Variants in CADPS2 observed in about 807,000 individuals in gnomAD.
The protein encoded by CADPS2 is calcium-dependent secretion activator 2.
CADPS2 carries 93 observed loss-of-function variants against 172.5 expected under a neutral mutation model. The ratio of observed to expected loss-of-function variants is 0.54; its 90% CI spans 0.46 to 0.64. The LOEUF (loss-of-function observed/expected upper bound fraction) is 0.64, where lower values mean the gene tolerates loss of function less well. Among genes scored for constraint, CADPS2 ranks in the 30% least tolerant of loss-of-function variants. The pLI is 0.00. For missense variants in CADPS2, 1,420 were observed against 1,565.9 expected, an observed-to-expected ratio of 0.91 and a Z score of 1.57; for synonymous variants, 546 against 555.2, an observed-to-expected ratio of 0.98 and a Z score of 0.23.
At chr7:122,854,242 T>C (rs1814552890) in intron 1 of CADPS2, among the ~76,000 whole-genome samples, 2 of 152,052 alleles carry the variant, frequency 1.3e-5, no homozygotes, top group Admixed American at 1.3e-4. Context: ...CTCGTGCCTG[T>C]AGTCCCAGCT....
At chr7:122,471,200 C>A (rs887013095) in intron 14 of CADPS2, among the ~76,000 whole-genome samples, 175 bp downstream of exon 14, 1 of 151,464 alleles carries the variant, frequency 6.6e-6, no homozygotes, top group South Asian at 2.1e-4. Context: ...GTGTAGCCCA[C>A]CTAAATCAAT....
At chr7:122,796,910 AAC>A (rs1446709289) in intron 1 of CADPS2, among the ~76,000 whole-genome samples, 1 of 152,142 alleles carries the variant, frequency 6.6e-6, no homozygotes, top group African/African-American at 2.4e-5. Flanking sequence ...GCAAACTATC[AAC>A]AGAGTGAACA....
intron 1 of CADPS2, among the ~76,000 whole-genome samples, chr7:122,765,377 G>A (rs560854984): frequency 2.0e-5 from 3 of 152,118 alleles, no homozygotes; most frequent in African/African-American, 4.8e-5. Context: ...AGCTGAGGGT[G>A]GACAGCCATC....
chr7:122,325,571 C>A lies in CADPS2; in HGVS notation c.3623G>T (p.Ser1208Ile), dbSNP rs776484369. Reference sequence around the variant, plus strand: ...CACGCAAATGACTTTCATGGAACTGCTGTACCATTGCTAGAAGGGAGAATT... The same window carrying A: ...CACGCAAATGACTTTCATGGAACTGATGTACCATTGCTAGAAGGGAGAATT... ...YIEKLFDQWYSSSMKVICVWL... is the reference protein window; with the variant it reads ...YIEKLFDQWYISSMKVICVWL... Residue 1208 changes from serine (S) to isoleucine (I), a missense_variant, in exon 29 of 30, where the codon AGC becomes ATC. Transcript: ENST00000449022. 1.2e-6 allele frequency: 2 copies of A among 1,607,834 alleles called. No homozygotes were observed. Among genetic ancestry groups the A allele is most frequent in the Middle Eastern group, 1.7e-4 (1 of 6,056 alleles).
intron 25 of CADPS2, among the ~76,000 whole-genome samples, chr7:122,364,413 T>TAAA (rs916412439): frequency 0.03 from 2,303 of 77,810 alleles, 66 homozygotes; most frequent in African/African-American, 0.057. Context: ...TGTCTCAAGT[T>TAAA]AAAAAAAAAA....
intron 8 of CADPS2, among the ~76,000 whole-genome samples, chr7:122,552,571 C>T (rs1426069751): frequency 1.3e-5 from 2 of 151,986 alleles, no homozygotes. Flanking sequence ...TCTGGATTGT[C>T]TCACCTATCC....
chr7:122,451,575 G>T, intron 14 of CADPS2, 100 bp from the exon 15 acceptor site: 1 of 608,798 alleles, frequency 1.6e-6, no homozygotes, highest in Non-Finnish European at 2.7e-6. Context: ...AAAGTTCACT[G>T]TATACATATT....
At chr7:122,653,732 T>C (rs1401368776) in intron 3 of CADPS2, among the ~76,000 whole-genome samples, 8 of 152,284 alleles carry the variant, frequency 5.3e-5, no homozygotes, top group Non-Finnish European at 8.8e-5. Flanking sequence ...AACTCTTTCA[T>C]TGTTATTATA....
At chr7:122,882,732 C>G (rs774364144) in intron 1 of CADPS2, among the ~76,000 whole-genome samples, 6 of 151,314 alleles carry the variant, frequency 4.0e-5, no homozygotes, top group Non-Finnish European at 7.4e-5. Context: ...AGTTTCAACA[C>G]TGACTCTACC....
chr7:122,833,089 A>T (rs1323180909), intron 1 of CADPS2, among the ~76,000 whole-genome samples: 2 of 152,130 alleles, frequency 1.3e-5, no homozygotes, highest in African/African-American at 4.8e-5. Context: ...TACTACTAAC[A>T]TCTTCATATT....
At chr7:122,843,178 C>T (rs1811042491) in intron 1 of CADPS2, among the ~76,000 whole-genome samples, 1 of 151,962 alleles carries the variant, frequency 6.6e-6, no homozygotes. Flanking sequence ...AGATAACTCT[C>T]ATTTTTGAAT....
chr7:122,875,881 ACT>A (rs1821066154), intron 1 of CADPS2, among the ~76,000 whole-genome samples: 1 of 152,152 alleles, frequency 6.6e-6, no homozygotes, highest in East Asian at 1.9e-4. Context: ...TGAGAGAACC[ACT>A]CTCTCACGTC....
At chr7:122,569,958 G>A (rs1413260312) in intron 7 of CADPS2, among the ~76,000 whole-genome samples, 1 of 146,842 alleles carries the variant, frequency 6.8e-6, no homozygotes, top group Non-Finnish European at 1.5e-5. Context: ...ATACCATTCA[G>A]GACACAGGCG....
intron 1 of CADPS2, among the ~76,000 whole-genome samples, chr7:122,751,360 G>A (rs2092947127): frequency 6.6e-6 from 1 of 151,780 alleles, no homozygotes; most frequent in Non-Finnish European, 1.5e-5. Context: ...TCGAGGGAAT[G>A]GGTAATGAAA....
chr7:122,478,110 T>G (rs1277385194), intron 12 of CADPS2, among the ~76,000 whole-genome samples: 2 of 152,212 alleles, frequency 1.3e-5, no homozygotes, highest in Non-Finnish European at 2.9e-5. Flanking sequence ...ATCATCTATA[T>G]CAAATGCAAA....
chr7:122,491,396 A>C lies in CADPS2; in HGVS notation c.1567T>G (p.Cys523Gly). The C allele has an allele frequency of 6.2e-7, 1 of 1,610,160 alleles. No individual in the cohort carries two copies. Among genetic ancestry groups the C allele is most frequent in the Non-Finnish European group, 8.5e-7 (1 of 1,177,784 alleles). ...VQVSQYTFAM[C>G]SYREKKSEPQ... is the part of the protein sequence containing the mutation. ...TCAGACTTCTTTTCTCTATAACTGCACATAGCAAAGGTATATTGGCTAACC... is the reference window on the plus strand; with the variant it reads ...TCAGACTTCTTTTCTCTATAACTGCCCATAGCAAAGGTATATTGGCTAACC... Residue 523 changes from cysteine (C) to glycine (G), a missense_variant, in exon 10 of 30, where the codon TGC (cysteine) becomes GGC (glycine). Coordinates refer to ENST00000449022, the MANE Select transcript of CADPS2 (RefSeq NM_017954.11).
chr7:122,398,577 C>A (rs543487418), intron 20 of CADPS2, among the ~76,000 whole-genome samples: 66 of 152,240 alleles, frequency 4.3e-4, no homozygotes, highest in Middle Eastern at 6.8e-3. Context: ...CTGAGCAATG[C>A]AAGCACAGTG....
chr7:122,565,666 TA>T (rs1355704736), intron 7 of CADPS2, among the ~76,000 whole-genome samples: 1 of 152,182 alleles, frequency 6.6e-6, no homozygotes, highest in Non-Finnish European at 1.5e-5. Flanking sequence ...ATACCACTGC[TA>T]AAGGCAACAG....
At chr7:122,625,464 G>C (rs1049405817) in intron 4 of CADPS2, among the ~76,000 whole-genome samples, 1 of 151,900 alleles carries the variant, frequency 6.6e-6, no homozygotes, top group African/African-American at 2.4e-5. Flanking sequence ...TTTACAATCA[G>C]TAAATTCAGT....
Sources: allele counts gnomAD v4.1 joint callset (sites outside exome capture counted in the v4.1 genomes callset), GRCh38; gene constraint gnomAD v4.1.1; transcripts MANE v1.5; gene names NCBI Gene and HGNC (gene_info 2026-07-23, HGNC 2026-07-21).